MAF: variants seen among roughly 807,000 people sequenced by gnomAD.
The protein encoded by MAF is transcription factor Maf.
MAF carries 10 observed loss-of-function variants against 22.0 expected under a neutral mutation model. The ratio of observed to expected loss-of-function variants is 0.45; its 90% CI spans 0.28 to 0.77. The LOEUF (loss-of-function observed/expected upper bound fraction) is 0.77. Ranked by LOEUF, MAF falls within the 30% of genes least tolerant of loss-of-function variation. The probability of loss-of-function intolerance (pLI) is 0.12; values close to 1 mark genes in which losing one functional copy is unlikely to be tolerated. For missense variants in MAF, 544 were observed against 548.4 expected (o/e 0.99, Z 0.08); for synonymous variants, 337 against 255.8 (o/e 1.32, Z -3.03).
the MAF span, among the ~76,000 whole-genome samples, chr16:79,224,994 C>A: frequency 3.9e-5 from 6 of 152,096 alleles, no homozygotes; most frequent in South Asian, 6.2e-4. Flanking sequence ...ACTTTCTTCA[C>A]AGAATTAGAA....
the MAF span, among the ~76,000 whole-genome samples, chr16:79,418,178 C>T: frequency 6.6e-6 from 1 of 152,220 alleles, no homozygotes; most frequent in Non-Finnish European, 1.5e-5. Context: ...AGAACACAGG[C>T]TCCAGCGCGG....
At chr16:79,380,643 T>C in the MAF span, among the ~76,000 whole-genome samples, 2 of 152,218 alleles carry the variant, frequency 1.3e-5, no homozygotes, top group Non-Finnish European at 2.9e-5. Flanking sequence ...GAATAAATAC[T>C]CAATAAACCC....
the MAF span, among the ~76,000 whole-genome samples, chr16:79,480,446 GC>G: frequency 6.6e-6 from 1 of 152,070 alleles, no homozygotes; most frequent in Non-Finnish European, 1.5e-5. Context: ...GGAAGAAGGG[GC>G]AAAGAAGGGA....
the MAF span, among the ~76,000 whole-genome samples, chr16:79,457,726 A>G: frequency 1.3e-5 from 2 of 152,154 alleles, no homozygotes; most frequent in South Asian, 4.2e-4. Context: ...TGCTCCTCAA[A>G]TGAGGATTAA....
chr16:79,257,471 C>T, the MAF span, among the ~76,000 whole-genome samples: 1 of 152,146 alleles, frequency 6.6e-6, no homozygotes, highest in Non-Finnish European at 1.5e-5. Flanking sequence ...ACAGAAAAGG[C>T]CATAATGTCT....
the MAF span, among the ~76,000 whole-genome samples, chr16:79,541,356 A>G: frequency 3.3e-5 from 5 of 152,124 alleles, no homozygotes; most frequent in Non-Finnish European, 5.9e-5. Flanking sequence ...CGTGCAGAAA[A>G]TATTTGTACC....
downstream of MAF, among the ~76,000 whole-genome samples, chr16:79,593,453 C>A (rs888691545): frequency 2.0e-5 from 3 of 152,102 alleles, no homozygotes; most frequent in Non-Finnish European, 4.4e-5. Flanking sequence ...TACTTCAGAA[C>A]AGAAGTATCT....
chr16:79,593,168 G>T (rs34121462), downstream of MAF, among the ~76,000 whole-genome samples: 30,684 of 152,192 alleles, frequency 0.2, 3,517 homozygotes, highest in East Asian at 0.39. Flanking sequence ...TGGCCTAGTA[G>T]ACTGGAGGAG....
the MAF span, among the ~76,000 whole-genome samples, chr16:79,496,948 G>C: frequency 2.6e-5 from 4 of 152,172 alleles, no homozygotes; most frequent in African/African-American, 7.2e-5. Context: ...GAGAATATTG[G>C]TTGATGTAAT....
chr16:79,251,314 A>ATT, the MAF span, among the ~76,000 whole-genome samples: 1 of 82,892 alleles, frequency 1.2e-5, no homozygotes, highest in Admixed American at 1.1e-4. Flanking sequence ...TTAAGTCTTT[A>ATT]TCTTTTTTTT....
At chr16:79,502,983 G>C in the MAF span, among the ~76,000 whole-genome samples, 2 of 151,694 alleles carry the variant, frequency 1.3e-5, no homozygotes, top group African/African-American at 4.8e-5. Context: ...AAAGCTATCA[G>C]CTTTTATCAA....
rs1337019228 is a variant in MAF at position 79,599,387 on chromosome 16, G to A, written c.516C>T (p.Ala172=). 2 of 1,024,288 alleles carry A rather than the reference G, an allele frequency of 2.0e-6. No individual in the cohort carries two copies. The highest frequency in any genetic ancestry group is 1.7e-5 in the African/African-American group (1 of 57,770). The allele number at this position is 1,024,288 out of a possible 1,614,324, so 63.4% of individuals were successfully genotyped here. A position where few individuals can be genotyped will look rare whatever the true frequency, so the allele number is the denominator to read the frequency against. ...AVVSAVIAAA[A]AQSGAGPHYH... is the part of the protein sequence containing the mutation. ...AGTGCGGGCCCGCGCCGCTCTGCGC[G>A]GCGGCCGCGGCGATCACGGCGGACA... is the stretch of plus-strand genomic sequence containing the variant. Residue 172 remains alanine (A), a synonymous_variant, in exon 1 of 2, where the codon GCC becomes GCT. Coordinates refer to ENST00000326043, the MANE Select transcript of MAF (RefSeq NM_005360.5).
the MAF span, among the ~76,000 whole-genome samples, chr16:79,570,250 C>T: frequency 1.3e-5 from 2 of 152,086 alleles, no homozygotes; most frequent in Admixed American, 1.3e-4. Flanking sequence ...CTGGGCTCTG[C>T]CTAATCTAAC....
At chr16:79,268,497 C>A in the MAF span, among the ~76,000 whole-genome samples, 2 of 152,112 alleles carry the variant, frequency 1.3e-5, no homozygotes, top group African/African-American at 2.4e-5. Flanking sequence ...AAGGCTGGAA[C>A]GTAATATAGG....
chr16:79,442,670 C>T, the MAF span, among the ~76,000 whole-genome samples: 1 of 152,172 alleles, frequency 6.6e-6, no homozygotes, highest in South Asian at 2.1e-4. Context: ...CCTTGGCCTC[C>T]CAAAAGATTG....
chr16:79,598,224 G>GA (rs1175660368), intron 1 of MAF: 5 of 1,056,338 alleles, frequency 4.7e-6, no homozygotes, highest in Non-Finnish European at 4.6e-6. Context: ...GTGGAGGTTG[G>GA]AAAAAAGGTG....
chr16:79,491,159 TG>T, the MAF span, among the ~76,000 whole-genome samples: 1 of 152,104 alleles, frequency 6.6e-6, no homozygotes, highest in Non-Finnish European at 1.5e-5. Context: ...TGATATCCCG[TG>T]GAGCTTACTA....
At chr16:79,302,166 G>A in the MAF span, among the ~76,000 whole-genome samples, 1 of 152,202 alleles carries the variant, frequency 6.6e-6, no homozygotes, top group African/African-American at 2.4e-5. Context: ...TGGTAGCCAC[G>A]AGATGTGTTG....
At chr16:79,259,197 C>T in the MAF span, among the ~76,000 whole-genome samples, 2 of 152,170 alleles carry the variant, frequency 1.3e-5, no homozygotes, top group Admixed American at 6.5e-5. Context: ...GACTTACCTT[C>T]TCCCTTCCTG....
Sources: allele counts gnomAD v4.1 joint callset (sites outside exome capture counted in the v4.1 genomes callset), GRCh38; gene constraint gnomAD v4.1.1; transcripts MANE v1.5; gene names NCBI Gene and HGNC (gene_info 2026-07-23, HGNC 2026-07-21).